IQGAP2: variants seen among roughly 807,000 people sequenced by gnomAD.
IQGAP2 encodes the protein ras GTPase-activating-like protein IQGAP2.
Under a neutral mutation model 201.3 loss-of-function variants are expected in IQGAP2, and 173 were observed. The ratio of observed to expected loss-of-function variants is 0.86; its 90% CI spans 0.76 to 0.98. The LOEUF is 0.98. Among genes scored for constraint, IQGAP2 ranks in the 50% least tolerant of loss-of-function variants. The pLI is 0.00. For missense variants in IQGAP2, 1,687 were observed against 1,864.8 expected, an observed-to-expected ratio of 0.90 and a Z score of 1.76; for synonymous variants, 675 against 673.9, an observed-to-expected ratio of 1.00 and a Z score of -0.03.
intron 2 of IQGAP2, among the ~76,000 whole-genome samples, chr5:76,516,269 T>C (rs1305854467): frequency 1.3e-5 from 2 of 152,198 alleles, no homozygotes; most frequent in Non-Finnish European, 2.9e-5. Context: ...TATAAATCTA[T>C]AATGTAATGT....
In IQGAP2 at chr5:76,472,499, G is replaced by A. The variant is rs185476038; in HGVS notation, c.146+10830G>A. On this transcript the variant is annotated intron_variant, in intron 2 of 35. Transcript: ENST00000274364. ...AGGACTTGGCGGGGGTCTGGATTTG[G>A]GCAGCAGAGGAGGACACTGGGAGGT... is the stretch of plus-strand genomic sequence containing the variant. 4.8e-3 allele frequency among the ~76,000 whole-genome samples: 730 copies of A among 152,310 alleles called. 7 individuals carry two copies. Among genetic ancestry groups the A allele is most frequent in the African/African-American group, 0.017 (694 of 41,542 alleles).
At chr5:76,639,637 T>C (rs898030022) in intron 16 of IQGAP2, among the ~76,000 whole-genome samples, 1 of 152,208 alleles carries the variant, frequency 6.6e-6, no homozygotes, top group Non-Finnish European at 1.5e-5. Context: ...ACATATCTTA[T>C]AGAATCGTTA....
intron 2 of IQGAP2, among the ~76,000 whole-genome samples, chr5:76,518,283 C>T (rs1427181988): frequency 6.6e-6 from 1 of 152,146 alleles, no homozygotes; most frequent in South Asian, 2.1e-4. Context: ...TTTAATTGGA[C>T]TTACAGTTCC....
In IQGAP2 at chr5:76,658,479, T is replaced by A; in HGVS notation, c.2341T>A (p.Leu781Ile). The A allele has an allele frequency of 6.2e-7, 1 of 1,613,924 alleles. No individual in the cohort carries two copies. The highest frequency in any genetic ancestry group is 8.5e-7 in the Non-Finnish European group (1 of 1,179,898). Residue 781 changes from leucine (L) to isoleucine (I), a missense_variant, in exon 21 of 36, where the codon TTA (leucine) becomes ATA (isoleucine). Coordinates refer to ENST00000274364, the MANE Select transcript of IQGAP2 (RefSeq NM_006633.5). Reference protein sequence around the residue: ...KTLVGSENPPLTVIRKFVYLL... With the variant: ...KTLVGSENPPITVIRKFVYLL... The stretch of plus-strand genomic sequence containing the variant: ...TGCAGTTGGCTCTGAAAACCCACCA[T>A]TAACAGTAATTCGCAAATTTGTATA...
chr5:76,699,897 T>C (rs200277738), intron 33 of IQGAP2, among the ~76,000 whole-genome samples: 3,807 of 10,192 alleles, frequency 0.37, 1,114 homozygotes, highest in Middle Eastern at 0.5. Context: ...TCAGGCTTCT[T>C]TCTGTTTCTC....
chr5:76,597,536 T>G lies in IQGAP2; in HGVS notation c.1005T>G (p.Ala335=), dbSNP rs368353933. 1.2e-6 allele frequency: 2 copies of G among 1,613,818 alleles called. No individual in the cohort carries two copies. Among genetic ancestry groups the G allele is most frequent in the Non-Finnish European group, 1.7e-6 (2 of 1,179,958 alleles). The change falls in exon 10 of 36, where the codon GCT becomes GCG. Residue 335 remains alanine, a synonymous_variant. Coordinates refer to ENST00000274364, the MANE Select transcript of IQGAP2 (RefSeq NM_006633.5). ...ALKKPEAQLP[A]VYPFAAAMYQ... ...AGAAACCAGAGGCCCAGCTGCCTGC[T>G]GTTTATCCCTTTGCTGCTGCCATGT...
chr5:76,654,551 C>G (rs1752760634), intron 19 of IQGAP2, among the ~76,000 whole-genome samples: 1 of 152,320 alleles, frequency 6.6e-6, no homozygotes, highest in South Asian at 2.1e-4. Flanking sequence ...AAATATTTTA[C>G]AGCATTACAT....
At chr5:76,704,268 G>A (rs981648354) in intron 35 of IQGAP2, among the ~76,000 whole-genome samples, 16 of 152,304 alleles carry the variant, frequency 1.1e-4, no homozygotes, top group Middle Eastern at 3.4e-3. Flanking sequence ...TGTAGAAATA[G>A]CAAAAGACAT....
intron 1 of IQGAP2, among the ~76,000 whole-genome samples, chr5:76,415,899 C>T (rs567823086): frequency 2.0e-5 from 3 of 149,360 alleles, no homozygotes; most frequent in South Asian, 4.2e-4. Context: ...GAGCCGAGAT[C>T]ATGCCACTGC....
In IQGAP2 at chr5:76,631,485, A is replaced by G. The variant is rs115769161; in HGVS notation, c.1613-374A>G. On this transcript the variant is annotated intron_variant, in intron 14 of 35. Transcript: ENST00000274364. Reference sequence around the variant, plus strand: ...AAGGATTTTGCTTATCCTAAAGTAAACAAATGTCTTTGTAAAACTAGTTCT... The same window carrying G: ...AAGGATTTTGCTTATCCTAAAGTAAGCAAATGTCTTTGTAAAACTAGTTCT... Among the ~76,000 whole-genome samples the G allele has an allele frequency of 2.9e-3, 440 of 152,292 alleles. 2 individuals carry two copies. Among genetic ancestry groups the G allele is most frequent in the African/African-American group, 0.01 (419 of 41,566 alleles).
intron 13 of IQGAP2, among the ~76,000 whole-genome samples, chr5:76,626,156 T>C (rs442721): frequency 0.64 from 97,410 of 151,464 alleles, 31,495 homozygotes; most frequent in Middle Eastern, 0.68. Flanking sequence ...CCCTGCAACT[T>C]GACACCTTTA....
chr5:76,576,781 G>A (rs184857454), intron 5 of IQGAP2, among the ~76,000 whole-genome samples: 1,637 of 152,294 alleles, frequency 0.011, 12 homozygotes, highest in Middle Eastern at 0.017. Flanking sequence ...TAGACCAAGT[G>A]TAGGTGCCTT....
At chr5:76,588,728 A>T (rs1012279717) in intron 5 of IQGAP2, among the ~76,000 whole-genome samples, 178 bp from the exon 6 acceptor site, 1 of 152,168 alleles carries the variant, frequency 6.6e-6, no homozygotes, top group Non-Finnish European at 1.5e-5. Context: ...TGGAATTCTG[A>T]TCCTGGCCTC....
At position 76,620,039 on chromosome 5, in the gene IQGAP2, G is replaced by A. The variant is rs1910004; in HGVS notation, c.1522-7371G>A. ...ATAGCCGATTCTCTCCTAGAGCCTC[G>A]AGAATGAACACAACCCCACCAACAG... On this transcript the variant is annotated intron_variant, in intron 13 of 35. Coordinates refer to ENST00000274364, the MANE Select transcript of IQGAP2 (RefSeq NM_006633.5). 3.3e-5 allele frequency among the ~76,000 whole-genome samples: 5 copies of A among 151,910 alleles called. No homozygotes were observed. In the East Asian group the frequency reaches 5.8e-4, roughly 18 times the overall value.
intron 35 of IQGAP2, among the ~76,000 whole-genome samples, chr5:76,706,452 A>G (rs113440882): frequency 0.11 from 16,626 of 151,884 alleles, 992 homozygotes; most frequent in Middle Eastern, 0.12. Flanking sequence ...TGTTCAAGTG[A>G]TTTTCCTGCC....
At chr5:76,627,195 G>A (rs918979884) in intron 13 of IQGAP2, among the ~76,000 whole-genome samples, 1 of 152,156 alleles carries the variant, frequency 6.6e-6, no homozygotes, top group Admixed American at 6.5e-5. Flanking sequence ...GGGAGATGAT[G>A]GGGGGCTGGA....
chr5:76,693,498 A>G (rs1746461289), intron 31 of IQGAP2, 56 bp downstream of exon 31: 1 of 1,109,512 alleles, frequency 9.0e-7, no homozygotes, highest in Non-Finnish European at 1.4e-6. Flanking sequence ...TTCTTCATAA[A>G]TCTTTATGCC....
chr5:76,599,541 T>C (rs1256894128), intron 10 of IQGAP2, among the ~76,000 whole-genome samples: 1 of 152,204 alleles, frequency 6.6e-6, no homozygotes, highest in African/African-American at 2.4e-5. Context: ...TCCATTCTGC[T>C]CTTATAATTT....
intron 2 of IQGAP2, among the ~76,000 whole-genome samples, chr5:76,476,363 G>GA (rs1755428511): frequency 6.6e-6 from 1 of 152,154 alleles, no homozygotes; most frequent in Non-Finnish European, 1.5e-5. Flanking sequence ...TGGCCTGGGA[G>GA]AAACGTTTAT....
Sources: gnomAD v4.1 joint callset for allele counts (sites outside exome capture counted in the v4.1 genomes callset) on GRCh38, gnomAD v4.1.1 for gene constraint, MANE v1.5 for transcripts, NCBI Gene and HGNC (gene_info 2026-07-23, HGNC 2026-07-21) for gene names.